The following ABTB3 variants were observed in gnomAD, a reference collection of about 807,000 sequenced individuals.
The protein encoded by ABTB3 is ankyrin repeat and BTB domain containing 3.
chr12:107,345,526 T>C, the ABTB3 span, among the ~76,000 whole-genome samples: 1 of 151,846 alleles, frequency 6.6e-6, no homozygotes, highest in Non-Finnish European at 1.5e-5. Context: ...TTGGTTCATG[T>C]ACAAGAGAAG....
the ABTB3 span, among the ~76,000 whole-genome samples, chr12:107,570,347 G>A: frequency 5.9e-5 from 9 of 151,962 alleles, no homozygotes; most frequent in Admixed American, 2.6e-4. Context: ...CCCGAGTACC[G>A]GGACTGCAGG....
chr12:107,573,390 A>C, the ABTB3 span, among the ~76,000 whole-genome samples: 1 of 152,164 alleles, frequency 6.6e-6, no homozygotes, highest in African/African-American at 2.4e-5. Context: ...GGCGGAAAGA[A>C]GGGGAGATTG....
chr12:107,343,118 G>C, the ABTB3 span, among the ~76,000 whole-genome samples: 6 of 152,092 alleles, frequency 3.9e-5, no homozygotes, highest in African/African-American at 1.4e-4. Context: ...AGGCCTAAGG[G>C]ATCTGCCCAT....
chr12:107,631,696 T>G, the ABTB3 span, among the ~76,000 whole-genome samples: 1 of 152,200 alleles, frequency 6.6e-6, no homozygotes, highest in South Asian at 2.1e-4. Context: ...TGGTCAAGCA[T>G]GTGTAGGCTG....
At chr12:107,638,235 G>A in the ABTB3 span, among the ~76,000 whole-genome samples, 62 of 152,236 alleles carry the variant, frequency 4.1e-4, 1 homozygote, top group African/African-American at 1.5e-3. Context: ...AGAAAGGTGA[G>A]TGGAGGACCA....
At chr12:107,596,686 G>T in the ABTB3 span, among the ~76,000 whole-genome samples, 2 of 152,050 alleles carry the variant, frequency 1.3e-5, no homozygotes, top group African/African-American at 4.8e-5. Flanking sequence ...TGAGTCTTGG[G>T]ATTGCATTGG....
chr12:107,431,997 G>C, the ABTB3 span, among the ~76,000 whole-genome samples: 2 of 152,228 alleles, frequency 1.3e-5, no homozygotes, highest in South Asian at 2.1e-4. Context: ...AAGTAAAAAT[G>C]CTTTATTTAC....
At chr12:107,505,990 G>T in the ABTB3 span, among the ~76,000 whole-genome samples, 1 of 152,080 alleles carries the variant, frequency 6.6e-6, no homozygotes, top group African/African-American at 2.4e-5. Context: ...TGCTGCAGTG[G>T]ACATATGCAT....
chr12:107,499,795 C>T, the ABTB3 span, among the ~76,000 whole-genome samples: 2 of 151,944 alleles, frequency 1.3e-5, no homozygotes, highest in Admixed American at 6.6e-5. Context: ...AAGCGATTCT[C>T]CTGCCTCAGC....
chr12:107,592,015 T>C, the ABTB3 span, among the ~76,000 whole-genome samples: 1 of 152,216 alleles, frequency 6.6e-6, no homozygotes. Context: ...AAAGTCACTT[T>C]TGCACTAGGC....
At chr12:107,351,495 G>T in the ABTB3 span, among the ~76,000 whole-genome samples, 1 of 152,206 alleles carries the variant, frequency 6.6e-6, no homozygotes, top group Non-Finnish European at 1.5e-5. Context: ...CAAGGTTCAT[G>T]TATTGGCAAC....
chr12:107,446,665 C>A, the ABTB3 span, among the ~76,000 whole-genome samples: 1 of 152,144 alleles, frequency 6.6e-6, no homozygotes, highest in African/African-American at 2.4e-5. Flanking sequence ...GCATCCATCC[C>A]CAGAGTGACT....
At chr12:107,479,905 G>A in the ABTB3 span, among the ~76,000 whole-genome samples, 1 of 152,180 alleles carries the variant, frequency 6.6e-6, no homozygotes, top group Non-Finnish European at 1.5e-5. Context: ...AACTGAGAAA[G>A]CAAATCATAT....
chr12:107,588,103 C>G, the ABTB3 span, among the ~76,000 whole-genome samples: 1 of 152,198 alleles, frequency 6.6e-6, no homozygotes. Context: ...CTTCACATGG[C>G]CCTCTTTCCT....
the ABTB3 span, among the ~76,000 whole-genome samples, chr12:107,529,085 G>A: frequency 2.7e-5 from 4 of 150,934 alleles, no homozygotes; most frequent in African/African-American, 4.9e-5. Context: ...TGGAGGTGGT[G>A]GTGATGGTGA....
the ABTB3 span, among the ~76,000 whole-genome samples, chr12:107,350,526 A>G: frequency 1.3e-5 from 2 of 151,786 alleles, no homozygotes; most frequent in Non-Finnish European, 2.9e-5. Flanking sequence ...AGCCTGGGCA[A>G]TAGAGCGAGA....
chr12:107,612,687 C>G, the ABTB3 span: 4 of 1,260,330 alleles, frequency 3.2e-6, no homozygotes, highest in Non-Finnish European at 4.4e-6. Flanking sequence ...GCATGGCCTC[C>G]GAAACACAAG....
At chr12:107,468,067 G>A in the ABTB3 span, among the ~76,000 whole-genome samples, 1 of 152,250 alleles carries the variant, frequency 6.6e-6, no homozygotes, top group Admixed American at 6.5e-5. Flanking sequence ...TGCATCCATG[G>A]TTTTCACAAC....
chr12:107,589,132 T>C, the ABTB3 span, among the ~76,000 whole-genome samples: 1 of 152,214 alleles, frequency 6.6e-6, no homozygotes, highest in Non-Finnish European at 1.5e-5. Flanking sequence ...GATGAAATAA[T>C]GTGTACAAAC....
Sources: gnomAD v4.1 joint callset for allele counts (sites outside exome capture counted in the v4.1 genomes callset) on GRCh38, gnomAD v4.1.1 for gene constraint, MANE v1.5 for transcripts, NCBI Gene and HGNC (gene_info 2026-07-23, HGNC 2026-07-21) for gene names.